DDX10: variants seen among roughly 807,000 people sequenced by gnomAD.
DDX10 encodes probable ATP-dependent RNA helicase DDX10.
Under a neutral mutation model 104.3 loss-of-function variants are expected in DDX10, and 74 were observed. The ratio of observed to expected loss-of-function variants is 0.71; its 90% CI spans 0.59 to 0.86. The LOEUF (loss-of-function observed/expected upper bound fraction) is 0.86, where lower values mean the gene tolerates loss of function less well. Ranked by LOEUF, DDX10 falls within the 40% of genes least tolerant of loss-of-function variation. DDX10 has a pLI of 0.00. For missense variants in DDX10, 952 were observed against 1,040.0 expected, an observed-to-expected ratio of 0.92 and a Z score of 1.16; for synonymous variants, 351 against 353.4, an observed-to-expected ratio of 0.99 and a Z score of 0.08.
chr11:108,697,677 T>A (rs1170093500), intron 9 of DDX10, among the ~76,000 whole-genome samples: 1 of 152,196 alleles, frequency 6.6e-6, no homozygotes, highest in African/African-American at 2.4e-5. Flanking sequence ...TGAGGCCAGG[T>A]ATATGAATAT....
chr11:108,813,557 C>T (rs569971181), intron 13 of DDX10, among the ~76,000 whole-genome samples: 32 of 152,110 alleles, frequency 2.1e-4, no homozygotes, highest in African/African-American at 7.7e-4. Flanking sequence ...TGTTTTGGGT[C>T]ATATTTTTAA....
intron 16 of DDX10, among the ~76,000 whole-genome samples, chr11:108,871,403 C>T (rs1256646350): frequency 6.6e-6 from 1 of 152,216 alleles, no homozygotes; most frequent in African/African-American, 2.4e-5. Context: ...CACATAAGCT[C>T]CTGCTGGTAG....
At chr11:108,757,708 C>T (rs1395005057) in intron 13 of DDX10, among the ~76,000 whole-genome samples, 1 of 152,012 alleles carries the variant, frequency 6.6e-6, no homozygotes, top group Non-Finnish European at 1.5e-5. Flanking sequence ...TTCCCTCTGA[C>T]CCTAATTTCT....
intron 16 of DDX10, among the ~76,000 whole-genome samples, chr11:108,890,344 C>G (rs1348440569): frequency 6.6e-6 from 1 of 152,092 alleles, no homozygotes; most frequent in Non-Finnish European, 1.5e-5. Flanking sequence ...GAGAGAGAGA[C>G]TTCTGCTCTC....
chr11:108,746,212 T>C (rs2094331700), intron 13 of DDX10, among the ~76,000 whole-genome samples: 1 of 152,150 alleles, frequency 6.6e-6, no homozygotes, highest in South Asian at 2.1e-4. Context: ...CCTTCAGACA[T>C]AAGTAAGCAC....
chr11:108,814,732 G>A (rs910141843), intron 13 of DDX10, among the ~76,000 whole-genome samples: 1 of 152,118 alleles, frequency 6.6e-6, no homozygotes, highest in African/African-American at 2.4e-5. Context: ...TCGTAATTAA[G>A]TTAATGATCA....
intron 4 of DDX10, 66 bp from the exon 5 acceptor site, chr11:108,678,249 T>C (rs1004524663): frequency 2.6e-6 from 4 of 1,512,572 alleles, no homozygotes; most frequent in Non-Finnish European, 3.5e-6. Flanking sequence ...ATGGCTTTTA[T>C]AGCTTTGGTA....
intron 13 of DDX10, among the ~76,000 whole-genome samples, chr11:108,760,032 A>G (rs1355247956): frequency 6.6e-6 from 1 of 151,592 alleles, no homozygotes; most frequent in East Asian, 1.9e-4. Context: ...TCACACTATA[A>G]GAGTTAGACA....
chr11:108,751,057 G>T (rs59402959), intron 13 of DDX10, among the ~76,000 whole-genome samples: 1 of 144,992 alleles, frequency 6.9e-6, no homozygotes, highest in Non-Finnish European at 1.5e-5. Flanking sequence ...GCTGGGATTA[G>T]AGCATAAGCC....
At chr11:108,719,041 C>T (rs1350547284) in intron 11 of DDX10, among the ~76,000 whole-genome samples, 1 of 146,752 alleles carries the variant, frequency 6.8e-6, no homozygotes, top group Admixed American at 6.9e-5. Flanking sequence ...GTGTATTTGA[C>T]AAACTGATAA....
At chr11:108,702,716 T>C (rs552270163) in intron 9 of DDX10, among the ~76,000 whole-genome samples, 2 of 152,334 alleles carry the variant, frequency 1.3e-5, no homozygotes, top group South Asian at 4.1e-4. Context: ...GATGTGGAGA[T>C]AAGCTTTCTG....
chr11:108,909,886 C>G (rs1863645671), intron 16 of DDX10, among the ~76,000 whole-genome samples: 1 of 152,136 alleles, frequency 6.6e-6, no homozygotes, highest in Non-Finnish European at 1.5e-5. Flanking sequence ...TGCACGAAGA[C>G]TTGAGGTGGA....
At chr11:108,668,977 G>A (rs563405041) in intron 1 of DDX10, among the ~76,000 whole-genome samples, 4 of 152,098 alleles carry the variant, frequency 2.6e-5, no homozygotes, top group African/African-American at 4.8e-5. Context: ...GCAGCCTCAC[G>A]TCTGGCTTGG....
At chr11:108,694,581 C>G (rs1443912919) in intron 9 of DDX10, among the ~76,000 whole-genome samples, 1 of 152,050 alleles carries the variant, frequency 6.6e-6, no homozygotes, top group Non-Finnish European at 1.5e-5. Flanking sequence ...GAGGAACTGT[C>G]TAGAAAAGAA....
chr11:108,725,119 T>C (rs1318700844), intron 13 of DDX10, among the ~76,000 whole-genome samples: 1 of 152,122 alleles, frequency 6.6e-6, no homozygotes, highest in Non-Finnish European at 1.5e-5. Flanking sequence ...GTCTAGCTTC[T>C]TTCATTTAGC....
At chr11:108,725,879 T>C (rs1215592859) in intron 13 of DDX10, among the ~76,000 whole-genome samples, 1 of 152,102 alleles carries the variant, frequency 6.6e-6, no homozygotes, top group Non-Finnish European at 1.5e-5. Flanking sequence ...GATTTTCTCC[T>C]ATGTTCTCGT....
intron 13 of DDX10, among the ~76,000 whole-genome samples, chr11:108,773,760 C>T (rs566722092): frequency 6.6e-6 from 1 of 151,986 alleles, no homozygotes; most frequent in South Asian, 2.1e-4. Flanking sequence ...TCTTAGAGTT[C>T]CCTATAAAAA....
chr11:108,888,567 C>T (rs767634806), intron 16 of DDX10, among the ~76,000 whole-genome samples: 6 of 152,246 alleles, frequency 3.9e-5, no homozygotes, highest in East Asian at 1.9e-4. Context: ...AACTTCTCTG[C>T]GCACACAGAC....
chr11:108,739,324 A>G (rs891509709), intron 13 of DDX10, among the ~76,000 whole-genome samples: 3 of 152,180 alleles, frequency 2.0e-5, no homozygotes, highest in African/African-American at 7.2e-5. Context: ...TGTGAAAGCC[A>G]TTGCTTTTGT....
Sources: allele counts gnomAD v4.1 joint callset (sites outside exome capture counted in the v4.1 genomes callset), GRCh38; gene constraint gnomAD v4.1.1; transcripts MANE v1.5; gene names NCBI Gene and HGNC (gene_info 2026-07-23, HGNC 2026-07-21).